The following SLC25A3 variants were observed in gnomAD, a reference collection of about 807,000 sequenced individuals.
The protein encoded by SLC25A3 is phosphate transport protein.
Under a neutral mutation model 37.1 loss-of-function variants are expected in SLC25A3, and 14 were observed. The ratio of observed to expected loss-of-function variants is 0.38; its 90% confidence interval spans 0.25 to 0.59. The LOEUF (loss-of-function observed/expected upper bound fraction) is 0.59. Among genes scored for constraint, SLC25A3 ranks in the 20% least tolerant of loss-of-function variants. SLC25A3 has a pLI of 0.67. For missense variants in SLC25A3, 385 were observed against 458.1 expected (o/e 0.84, Z 1.46); for synonymous variants, 161 against 168.7 (o/e 0.95, Z 0.36).
At position 98,598,714 on chromosome 12, in the gene SLC25A3, A is replaced by G. The variant is rs899282003; in HGVS notation, c.641+11A>G. Reference sequence around the variant, plus strand: ...AGAAGGCCTAAAAGCGTAAGTAAACACTTAAAAATTTATACTATGAAAGTA... The same window carrying G: ...AGAAGGCCTAAAAGCGTAAGTAAACGCTTAAAAATTTATACTATGAAAGTA... On this transcript the variant is annotated intron_variant, in intron 5 of 7. Coordinates refer to ENST00000552981, the MANE Select transcript of SLC25A3 (RefSeq NM_002635.4). 2 of 1,609,270 alleles carry G rather than the reference A, an allele frequency of 1.2e-6. No homozygotes were observed. Among genetic ancestry groups the G allele is most frequent in the South Asian group, 1.1e-5 (1 of 90,830 alleles).
intron 5 of SLC25A3, chr12:98,599,607 A>G (rs1221602067): frequency 5.7e-6 from 3 of 528,042 alleles, no homozygotes; most frequent in African/African-American, 1.9e-5. Context: ...CTTGTGATCT[A>G]TTCACAGTTA....
At position 98,593,718 on chromosome 12, in the gene SLC25A3, T is replaced by C. The variant is rs530747410; in HGVS notation, c.-27T>C. 5.3e-6 allele frequency: 3 copies of C among 563,512 alleles called. No individual in the cohort carries two copies. Among genetic ancestry groups the C allele is most frequent in the Non-Finnish European group, 6.4e-6 (2 of 313,366 alleles). The allele number at this position is 563,512 out of a possible 1,614,324, so 34.9% of individuals were successfully genotyped here. A position where few individuals can be genotyped will look rare whatever the true frequency, so the allele number is the denominator to read the frequency against. The stretch of plus-strand genomic sequence containing the variant: ...AGCCGCAACCTTTCCAAGGGAGTGG[T>C]TGTGTGATCGCCATCTTAGGGAGTG... On this transcript the variant is annotated 5_prime_UTR_variant, in exon 1 of 8. Transcript: ENST00000552981.
chr12:98,593,687 T>C lies in SLC25A3; in HGVS notation c.-58T>C. 1 of 513,274 alleles carries C rather than the reference T, an allele frequency of 1.9e-6. No homozygotes were observed. Among genetic ancestry groups the C allele is most frequent in the Middle Eastern group, 5.4e-4 (1 of 1,846 alleles). The allele number at this position is 513,274 out of a possible 1,614,324, so 31.8% of individuals were successfully genotyped here. A position where few individuals can be genotyped will look rare whatever the true frequency, so the allele number is the denominator to read the frequency against. On this transcript the variant is annotated 5_prime_UTR_variant, in exon 1 of 8. Coordinates refer to ENST00000552981, the MANE Select transcript of SLC25A3 (RefSeq NM_002635.4). ...CTTAGGACCCGGAGGACGTCCGGCC[T>C]CTGTGAGCCGCAACCTTTCCAAGGG...
At chr12:98,601,005 C>T (rs566247760) in intron 6 of SLC25A3, 166 bp from the exon 7 acceptor site, 26 of 662,544 alleles carry the variant, frequency 3.9e-5, no homozygotes, top group Admixed American at 2.2e-4. Flanking sequence ...AAGATTGTTC[C>T]GTTTTACATA....
intron 2 of SLC25A3, 193 bp from the exon 3 acceptor site, chr12:98,595,534 G>T (rs2097592256): frequency 2.5e-6 from 4 of 1,614,192 alleles, no homozygotes; most frequent in Non-Finnish European, 3.4e-6. Context: ...GGTTCCTCTA[G>T]ATCTGGTTAA....
Position 98,604,286 on chromosome 12 carries a change from A to G in SLC25A3, c.*2758A>G, listed in dbSNP as rs1460890441. 6.9e-6 allele frequency: 1 copy of G among 144,086 alleles called. No individual in the cohort carries two copies. Among genetic ancestry groups the G allele is most frequent in the African/African-American group, 2.5e-5 (1 of 39,794 alleles). 8.9% of individuals were successfully genotyped at this position (144,086 alleles called of 1,614,324 possible). A position where few individuals can be genotyped will look rare whatever the true frequency, so the allele number is the denominator to read the frequency against. On this transcript the variant is annotated 3_prime_UTR_variant, in exon 8 of 8. Coordinates refer to ENST00000552981, the MANE Select transcript of SLC25A3 (RefSeq NM_002635.4). ...AAAATATATATATATATATATATAT[A>G]TGAAGCTGATAGTTGAATTATGTTG...
At chr12:98,598,134 A>G in intron 4 of SLC25A3, 99 bp downstream of exon 4, 1 of 1,213,816 alleles carries the variant, frequency 8.2e-7, no homozygotes, top group Middle Eastern at 1.9e-4. Context: ...CACTGAAGAA[A>G]ATGGTCCTAC....
rs897281806 is a variant in SLC25A3 at position 98,601,715 on chromosome 12, T to C, written c.*187T>C. On this transcript the variant is annotated 3_prime_UTR_variant, in exon 8 of 8. Coordinates refer to ENST00000552981, the MANE Select transcript of SLC25A3 (RefSeq NM_002635.4). Reference sequence around the variant, plus strand: ...TAAACCCAACTCTTCATGATTTGCCTGTGACTTATTTTTAAAACTTTTTTA... The same window carrying C: ...TAAACCCAACTCTTCATGATTTGCCCGTGACTTATTTTTAAAACTTTTTTA... 6 of 597,312 alleles carry C rather than the reference T, an allele frequency of 1.0e-5. No individual in the cohort carries two copies. Among genetic ancestry groups the C allele is most frequent in the Non-Finnish European group, 1.8e-5 (6 of 337,386 alleles). The allele number at this position is 597,312 out of a possible 1,614,324, so 37.0% of individuals were successfully genotyped here.
chr12:98,598,844 C>G, intron 5 of SLC25A3, 141 bp downstream of exon 5: 1 of 743,698 alleles, frequency 1.3e-6, no homozygotes, highest in Non-Finnish European at 2.1e-6. Context: ...GGCGTGATCT[C>G]GGCTCACTGC....
intron 5 of SLC25A3, 37 bp downstream of exon 5, chr12:98,598,740 C>A: frequency 6.6e-7 from 1 of 1,518,746 alleles, no homozygotes; most frequent in Non-Finnish European, 9.1e-7. Context: ...TATGAAAGTA[C>A]TTATTTTAAG....
At position 98,603,119 on chromosome 12, in the gene SLC25A3, A is replaced by G. The variant is rs1031687556; in HGVS notation, c.*1591A>G. The G allele has an allele frequency of 1.2e-4, 19 of 152,316 alleles. No homozygotes were observed. Among genetic ancestry groups the G allele is most frequent in the African/African-American group, 4.3e-4 (18 of 41,578 alleles). The allele number at this position is 152,316 out of a possible 1,614,324, so 9.4% of individuals were successfully genotyped here. On this transcript the variant is annotated 3_prime_UTR_variant, in exon 8 of 8. Transcript: ENST00000552981. ...TGTGGTGCTTAGCAGTATCAACTGT[A>G]TATTATTTCTTGCTATGTTAGCAAA...
rs2097599629 is a variant in SLC25A3, at chr12:98,603,846, T to C, written c.*2318T>C. On this transcript the variant is annotated 3_prime_UTR_variant, in exon 8 of 8. Transcript: ENST00000552981. The stretch of plus-strand genomic sequence containing the variant: ...ATTCTCATTTCAGGTTTTTAAATTA[T>C]ACTAAAAGATTCTAGTAAGAAAATT... 6.6e-6 allele frequency: 1 copy of C among 152,192 alleles called. No homozygotes were observed. Among genetic ancestry groups the C allele is most frequent in the Admixed American group, 6.5e-5 (1 of 15,270 alleles). The allele number at this position is 152,192 out of a possible 1,614,324, so 9.4% of individuals were successfully genotyped here.
intron 3 of SLC25A3, among the ~76,000 whole-genome samples, chr12:98,597,259 A>T (rs1325075176): frequency 6.6e-6 from 1 of 152,210 alleles, no homozygotes; most frequent in South Asian, 2.1e-4. Flanking sequence ...AAAGTAATCA[A>T]ATGAACAATA....
At chr12:98,598,234 T>G (rs774791954) in intron 4 of SLC25A3, 199 bp downstream of exon 4, 7 of 677,098 alleles carry the variant, frequency 1.0e-5, no homozygotes, top group Non-Finnish European at 1.7e-5. Context: ...CTCCTTTTAA[T>G]ATACTATCTT....
rs1454331587 is a variant in SLC25A3, at chr12:98,597,861, C to T, written c.285C>T (p.Asp95=). ...TTTTCTTGTTTTAAATAAAGGTGGA[C>T]CCCCAAAAGTACAAGGGCATATTTA... The part of the protein sequence containing the change: ...LDLVKCRMQV[D]PQKYKGIFNG... Residue 95 remains aspartate, a synonymous_variant, in exon 4 of 8, where the codon GAC becomes GAT. Coordinates refer to ENST00000552981, the MANE Select transcript of SLC25A3 (RefSeq NM_002635.4). 2.5e-6 allele frequency: 4 copies of T among 1,612,086 alleles called. No individual in the cohort carries two copies. In the Admixed American group the frequency reaches 6.7e-5, roughly 27 times the overall value.
chr12:98,598,868 C>T (rs1261841939), intron 5 of SLC25A3, among the ~76,000 whole-genome samples, 165 bp downstream of exon 5: 44 of 151,866 alleles, frequency 2.9e-4, no homozygotes, highest in Admixed American at 4.6e-4. Context: ...CTCCGCCTCC[C>T]GGGTTCACGC....
intron 2 of SLC25A3, chr12:98,595,447 G>A: frequency 6.2e-7 from 1 of 1,613,472 alleles, no homozygotes; most frequent in Non-Finnish European, 8.5e-7. Context: ...GTATAGCTGT[G>A]ACTATGGATC....
rs1409112490 is a variant in SLC25A3, at chr12:98,601,558, G to A, written c.*30G>A. 1 of 1,410,830 alleles carries A rather than the reference G, an allele frequency of 7.1e-7. No individual in the cohort carries two copies. Among genetic ancestry groups the A allele is most frequent in the South Asian group, 1.2e-5 (1 of 86,880 alleles). The allele number at this position is 1,410,830 out of a possible 1,614,324, so 87.4% of individuals were successfully genotyped here. ...ATCAAAGCAAATGTGGACTGAATCT[G>A]CTTGTTGATCAGTGTTGAAGAAAGT... On this transcript the variant is annotated 3_prime_UTR_variant, in exon 8 of 8. Transcript: ENST00000552981.
chr12:98,598,531 T>TA lies in SLC25A3; in HGVS notation c.470dup (p.Tyr157Ter). ...GTGTTTTGGATTTTAGGAGAATACTTATCTCTGGCGCACATCACTATATTT... is the reference window on the plus strand; with the variant it reads ...GTGTTTTGGATTTTAGGAGAATACTTAATCTCTGGCGCACATCACTATATTT... ...YSNMLGEENT[Y>*]LWRTSLYLAA... The change falls in exon 5 of 8, where the codon TAT (tyrosine) becomes TAAT (stop). Residue 157 changes from tyrosine (Y) to a stop codon, truncating the protein, a stop_gained and frameshift_variant. Coordinates refer to ENST00000552981, the MANE Select transcript of SLC25A3 (RefSeq NM_002635.4). LOFTEE classifies it high-confidence loss of function. The TA allele has an allele frequency of 4.3e-6, 7 of 1,612,620 alleles. No individual in the cohort carries two copies. Among genetic ancestry groups the TA allele is most frequent in the Non-Finnish European group, 5.1e-6 (6 of 1,179,924 alleles).
Sources: allele counts gnomAD v4.1 joint callset (sites outside exome capture counted in the v4.1 genomes callset), GRCh38; gene constraint gnomAD v4.1.1; transcripts MANE v1.5; gene names NCBI Gene and HGNC (gene_info 2026-07-23, HGNC 2026-07-21).